Variants in NTM observed in about 807,000 individuals in gnomAD.
NTM encodes IgLON family member 2.
A neutral mutation model predicts 42.1 loss-of-function variants in NTM; 13 were observed. The ratio of observed to expected loss-of-function variants is 0.31; its 90% confidence interval spans 0.20 to 0.49. The LOEUF is 0.49. Ranked by LOEUF, NTM falls within the 20% of genes least tolerant of loss-of-function variation. NTM has a pLI of 0.99. For missense variants in NTM, 373 were observed against 452.8 expected (o/e 0.82, Z 1.60); for synonymous variants, 187 against 179.2 (o/e 1.04, Z -0.35).
chr11:131,986,461 C>A (rs1476806573), intron 2 of NTM, among the ~76,000 whole-genome samples: 2 of 152,190 alleles, frequency 1.3e-5, no homozygotes, highest in East Asian at 1.9e-4. Flanking sequence ...TTGACTATCA[C>A]GTTTGCTTCT....
chr11:131,800,975 C>T (rs962140750), intron 1 of NTM, among the ~76,000 whole-genome samples: 7 of 151,988 alleles, frequency 4.6e-5, no homozygotes, highest in African/African-American at 1.5e-4. Flanking sequence ...AATTTGATTC[C>T]GGTTATAGGA....
intron 1 of NTM, among the ~76,000 whole-genome samples, chr11:131,664,276 A>G (rs1196107123): frequency 1.3e-5 from 2 of 152,258 alleles, no homozygotes; most frequent in Non-Finnish European, 2.9e-5. Context: ...GTAATACTGC[A>G]TAAGCTTAAC....
At chr11:132,012,210 G>T (rs769836321) in intron 2 of NTM, among the ~76,000 whole-genome samples, 8 of 152,180 alleles carry the variant, frequency 5.3e-5, no homozygotes, top group Admixed American at 1.3e-4. Context: ...ATCAAAGAAC[G>T]ATAGAAGACA....
intron 1 of NTM, among the ~76,000 whole-genome samples, chr11:131,840,218 CA>C (rs2044056019): frequency 6.6e-6 from 1 of 152,054 alleles, no homozygotes; most frequent in African/African-American, 2.4e-5. Context: ...AGATTTCCCC[CA>C]AGGAAGTGAA....
intron 1 of NTM, among the ~76,000 whole-genome samples, chr11:131,474,160 C>G (rs1036072888): frequency 1.3e-5 from 2 of 152,140 alleles, no homozygotes; most frequent in African/African-American, 2.4e-5. Flanking sequence ...GACCTCCTGT[C>G]CAGCAAAAAC....
Position 132,136,214 on chromosome 11 carries a change from G to A in NTM, c.168-10068G>A, listed in dbSNP as rs77715646. ...CCTGTCCCACCTGTGTCTCACCTCC[G>A]TAGATGGTAGAAATGGAGCTCAGAA... On this transcript the variant is annotated intron_variant, in intron 2 of 8. Transcript: ENST00000683400. Among the ~76,000 whole-genome samples, 1,383 of 152,194 alleles carry A rather than the reference G, an allele frequency of 9.1e-3. 27 individuals carry two copies. Among genetic ancestry groups the A allele is most frequent in the Non-Finnish European group, 9.6e-3 (656 of 68,018 alleles).
At chr11:131,712,101 G>A (rs2077218602) in intron 1 of NTM, among the ~76,000 whole-genome samples, 1 of 148,214 alleles carries the variant, frequency 6.7e-6, no homozygotes, top group South Asian at 2.1e-4. Flanking sequence ...CCTGCACATT[G>A]TGCACATGTA....
chr11:132,202,135 A>G (rs954449476), intron 3 of NTM, among the ~76,000 whole-genome samples: 1 of 152,024 alleles, frequency 6.6e-6, no homozygotes, highest in Admixed American at 6.6e-5. Context: ...TTTGGCTGTC[A>G]GTTTTCAGGG....
chr11:131,449,204 C>A (rs975101415), intron 1 of NTM, among the ~76,000 whole-genome samples: 1 of 152,164 alleles, frequency 6.6e-6, no homozygotes, highest in African/African-American at 2.4e-5. Flanking sequence ...AGCTGCCGTG[C>A]AGTAACTCAT....
At chr11:132,116,332 G>A (rs976945813) in intron 2 of NTM, among the ~76,000 whole-genome samples, 2 of 152,192 alleles carry the variant, frequency 1.3e-5, no homozygotes, top group Non-Finnish European at 2.9e-5. Flanking sequence ...GGAGCCACTG[G>A]GAGACACTGC....
chr11:131,896,855 A>AT (rs1330683078), intron 1 of NTM, among the ~76,000 whole-genome samples: 1 of 151,804 alleles, frequency 6.6e-6, no homozygotes, highest in Non-Finnish European at 1.5e-5. Context: ...AGCCGGGCTA[A>AT]TTTTTTGTAT....
intron 1 of NTM, among the ~76,000 whole-genome samples, chr11:131,812,529 AC>A (rs146516343): frequency 0.025 from 3,734 of 152,076 alleles, 154 homozygotes; most frequent in African/African-American, 0.086. Flanking sequence ...TACAATGTAC[AC>A]CAGGCATTGT....
chr11:132,260,311 C>T (rs1398237988), intron 4 of NTM, among the ~76,000 whole-genome samples: 1 of 151,674 alleles, frequency 6.6e-6, no homozygotes, highest in Non-Finnish European at 1.5e-5. Context: ...GTGAATTTCT[C>T]AAAGTCACAC....
In NTM at chr11:132,264,819, C is replaced by T. The variant is rs185250199; in HGVS notation, c.527-42870C>T. The stretch of plus-strand genomic sequence containing the variant: ...GACAGACATAACTGCCAAAGGCAAC[C>T]TCAAGCAGCTGCTCATGTATTTACC... On this transcript the variant is annotated intron_variant, in intron 4 of 8. Transcript: ENST00000683400. Among the ~76,000 whole-genome samples the T allele has an allele frequency of 9.2e-5, 14 of 152,292 alleles. No homozygotes were observed. In the East Asian group the frequency reaches 2.7e-3, roughly 29 times the overall value.
intron 1 of NTM, among the ~76,000 whole-genome samples, chr11:131,431,904 C>G (rs946444358): frequency 6.6e-6 from 1 of 152,142 alleles, no homozygotes; most frequent in African/African-American, 2.4e-5. Flanking sequence ...GACACTCCCC[C>G]ACACCCAACC....
At chr11:132,161,763 G>A (rs1204569784) in intron 3 of NTM, among the ~76,000 whole-genome samples, 1 of 152,222 alleles carries the variant, frequency 6.6e-6, no homozygotes, top group Non-Finnish European at 1.5e-5. Flanking sequence ...CCGCAGCTGC[G>A]CCATCCCCGG....
At chr11:132,022,940 T>G (rs1319589188) in intron 2 of NTM, among the ~76,000 whole-genome samples, 1 of 152,192 alleles carries the variant, frequency 6.6e-6, no homozygotes, top group Non-Finnish European at 1.5e-5. Flanking sequence ...CCTATTAATG[T>G]GATAAATGTT....
chr11:131,911,198 C>T lies in NTM; in HGVS notation c.83-366C>T, dbSNP rs937803812. 3 of 1,372,672 alleles carry T rather than the reference C, an allele frequency of 2.2e-6. No homozygotes were observed. In the African/African-American group the frequency reaches 4.4e-5, roughly 20 times the overall value. The allele number at this position is 1,372,672 out of a possible 1,614,324, so 85.0% of individuals were successfully genotyped here. A position where few individuals can be genotyped will look rare whatever the true frequency, so the allele number is the denominator to read the frequency against. ...ACCTTTCACCTGCCGCGCGCTTCCCCCTCCTCGGCCACCTTCCCGGCGGAA... is the reference window on the plus strand; with the variant it reads ...ACCTTTCACCTGCCGCGCGCTTCCCTCTCCTCGGCCACCTTCCCGGCGGAA... On this transcript the variant is annotated intron_variant, in intron 1 of 8. Coordinates refer to ENST00000683400, the MANE Select transcript of NTM (RefSeq NM_001352005.2).
chr11:131,489,100 G>A (rs139516855), intron 1 of NTM, among the ~76,000 whole-genome samples: 10 of 152,238 alleles, frequency 6.6e-5, no homozygotes, highest in East Asian at 1.9e-4. Context: ...ACCTTCCTCC[G>A]TGGCTCCAGC....
Sources: gnomAD v4.1 joint callset for allele counts (sites outside exome capture counted in the v4.1 genomes callset) on GRCh38, gnomAD v4.1.1 for gene constraint, MANE v1.5 for transcripts, NCBI Gene and HGNC (gene_info 2026-07-23, HGNC 2026-07-21) for gene names.